LRRN3: variants seen among roughly 807,000 people sequenced by gnomAD.
LRRN3 encodes the protein leucine-rich repeat neuronal protein 3.
A neutral mutation model predicts 40.1 loss-of-function variants in LRRN3; 15 were observed. That is an observed-to-expected ratio of 0.37 (90% CI 0.25 to 0.58). The LOEUF is 0.58. Ranked by LOEUF, LRRN3 falls within the 20% of genes least tolerant of loss-of-function variation. The pLI is 0.72. For missense variants in LRRN3, 746 were observed against 837.7 expected (o/e 0.89, Z 1.35); for synonymous variants, 308 against 297.2 (o/e 1.04, Z -0.37).
rs557500952 is a variant in LRRN3 at position 111,093,125 on chromosome 7, G to A, written c.-441+1621G>A. Among the ~76,000 whole-genome samples, 13 of 152,218 alleles carry A rather than the reference G, an allele frequency of 8.5e-5. No individual in the cohort carries two copies. In the South Asian group the frequency reaches 2.7e-3, roughly 32 times the overall value. On this transcript the variant is annotated intron_variant, in intron 1 of 2. Coordinates refer to ENST00000308478, the MANE Select transcript of LRRN3 (RefSeq NM_001099658.2). ...GACCTTTGTAAATGATGACAATAAA[G>A]CAGCTCTGACAATATGCCAGTGGCT... is the stretch of plus-strand genomic sequence containing the variant.
chr7:111,105,255 G>A (rs923546819), intron 2 of LRRN3, among the ~76,000 whole-genome samples: 6 of 151,796 alleles, frequency 4.0e-5, no homozygotes, highest in Non-Finnish European at 8.8e-5. Context: ...CAAAACAGAT[G>A]TCAAATAACC....
chr7:111,102,122 T>C (rs1188974093), intron 2 of LRRN3, among the ~76,000 whole-genome samples: 1 of 151,366 alleles, frequency 6.6e-6, no homozygotes, highest in African/African-American at 2.4e-5. Flanking sequence ...AAAATCCCTA[T>C]ATTGGGATAG....
In LRRN3 at chr7:111,123,868, C is replaced by T. The variant is rs1439943888; in HGVS notation, c.1096C>T (p.His366Tyr). 5 of 1,614,006 alleles carry T rather than the reference C, an allele frequency of 3.1e-6. No individual in the cohort carries two copies. The highest frequency in any genetic ancestry group is 4.2e-6 in the Non-Finnish European group (5 of 1,180,000). Reference protein sequence around the residue: ...SLPNLKEISIHSNPIRCDCVI... With the variant: ...SLPNLKEISIYSNPIRCDCVI... Reference sequence around the variant, plus strand: ...GCCAAACCTCAAGGAAATCAGCATACACAGTAACCCCATCAGGTGTGACTG... The same window carrying T: ...GCCAAACCTCAAGGAAATCAGCATATACAGTAACCCCATCAGGTGTGACTG... The change falls in exon 3 of 3, where the codon CAC becomes TAC. Residue 366 changes from histidine to tyrosine, a missense_variant. Transcript: ENST00000308478. The surrounding 1 kb of genome is among the most constrained non-coding windows in gnomAD (Gnocchi z 6.4).
At chr7:111,098,351 C>T (rs1255375289) in intron 1 of LRRN3, among the ~76,000 whole-genome samples, 1 of 151,782 alleles carries the variant, frequency 6.6e-6, no homozygotes, top group African/African-American at 2.4e-5. Context: ...TTTTCCAAAC[C>T]ATTTCCTCAA....
At chr7:111,104,018 T>C (rs1193771936) in intron 2 of LRRN3, among the ~76,000 whole-genome samples, 1 of 151,678 alleles carries the variant, frequency 6.6e-6, no homozygotes, top group Non-Finnish European at 1.5e-5. Context: ...TGAAAAGTGG[T>C]ACTCCTGTAA....
intron 2 of LRRN3, among the ~76,000 whole-genome samples, chr7:111,115,581 A>G (rs1245558558): frequency 6.6e-6 from 1 of 152,080 alleles, no homozygotes; most frequent in Non-Finnish European, 1.5e-5. Flanking sequence ...TCTAAATTAT[A>G]GCTGTACTAT....
intron 1 of LRRN3, among the ~76,000 whole-genome samples, chr7:111,091,838 G>A (rs1327316058): frequency 6.6e-6 from 1 of 151,994 alleles, no homozygotes; most frequent in East Asian, 1.9e-4. Flanking sequence ...GAGAGGAGGA[G>A]AGGGAGAGAG....
intron 2 of LRRN3, among the ~76,000 whole-genome samples, chr7:111,118,728 A>C (rs1049042941): frequency 2.0e-5 from 3 of 152,146 alleles, no homozygotes; most frequent in Admixed American, 1.3e-4. Context: ...TATTAATGAA[A>C]TATCATAATC....
intron 1 of LRRN3, among the ~76,000 whole-genome samples, chr7:111,092,740 T>C (rs138721804): frequency 4.4e-4 from 67 of 152,286 alleles, no homozygotes; most frequent in Middle Eastern, 3.4e-3. Flanking sequence ...CTACTTAGAA[T>C]ATGCTTTCAA....
chr7:111,120,192 G>T (rs1413306680), intron 2 of LRRN3, among the ~76,000 whole-genome samples: 1 of 152,116 alleles, frequency 6.6e-6, no homozygotes, highest in Non-Finnish European at 1.5e-5. Context: ...CTAGGTCTTT[G>T]TGTTACTGAT....
chr7:111,091,909 A>G (rs1422691418), intron 1 of LRRN3, among the ~76,000 whole-genome samples: 1 of 152,066 alleles, frequency 6.6e-6, no homozygotes, highest in Non-Finnish European at 1.5e-5. Flanking sequence ...GTCACGGGTG[A>G]TGGGGTGCAA....
intron 2 of LRRN3, among the ~76,000 whole-genome samples, chr7:111,117,164 T>C (rs1289344297): frequency 7.2e-5 from 11 of 152,216 alleles, no homozygotes; most frequent in Admixed American, 7.2e-4. Flanking sequence ...GACTAGAGTA[T>C]TGAATATAAA....
At chr7:111,096,605 C>T (rs1231385868) in intron 1 of LRRN3, among the ~76,000 whole-genome samples, 1 of 151,182 alleles carries the variant, frequency 6.6e-6, no homozygotes, top group Non-Finnish European at 1.5e-5. Flanking sequence ...GTTTGTCTGA[C>T]AGCATTAGCA....
chr7:111,113,523 T>C (rs1432097230), intron 2 of LRRN3, among the ~76,000 whole-genome samples: 1 of 152,180 alleles, frequency 6.6e-6, no homozygotes, highest in African/African-American at 2.4e-5. Flanking sequence ...TCACTTCATT[T>C]ATTTTTTTCT....
chr7:111,106,294 T>C (rs1798539879), intron 2 of LRRN3, among the ~76,000 whole-genome samples: 1 of 151,942 alleles, frequency 6.6e-6, no homozygotes, highest in South Asian at 2.1e-4. Context: ...TTGTTCTCCT[T>C]ATTTAATGGC....
intron 2 of LRRN3, among the ~76,000 whole-genome samples, chr7:111,111,178 T>C (rs1234750325): frequency 2.0e-5 from 3 of 151,986 alleles, no homozygotes; most frequent in Non-Finnish European, 4.4e-5. Context: ...TAACCCTGTT[T>C]TGAAAGAACT....
intron 2 of LRRN3, among the ~76,000 whole-genome samples, chr7:111,100,395 A>T (rs999099449): frequency 6.0e-5 from 9 of 148,782 alleles, no homozygotes; most frequent in African/African-American, 2.2e-4. Flanking sequence ...ATATATATAT[A>T]ATAATATGCT....
Position 111,124,802 on chromosome 7 carries a change from ATCCTCC to A in LRRN3, c.2033_2038del (p.Pro678_Pro679del). ...CCAACCTTTGCATTAGGTGAGCTTT[ATCCTCC>A]TCTGATAAATCTCTGGGAAGCAGGA... On this transcript the variant is annotated inframe_deletion, in exon 3 of 3. Transcript: ENST00000308478. The A allele has an allele frequency of 6.2e-7, 1 of 1,613,552 alleles. No individual in the cohort carries two copies. The highest frequency in any genetic ancestry group is 8.5e-7 in the Non-Finnish European group (1 of 1,179,896).
At chr7:111,100,424 AAATAT>A (rs1224883836) in intron 2 of LRRN3, among the ~76,000 whole-genome samples, 2 of 148,108 alleles carry the variant, frequency 1.4e-5, no homozygotes, top group Admixed American at 6.8e-5. Flanking sequence ...ATATATAATA[AAATAT>A]ATGTAATGAA....
Sources: allele counts gnomAD v4.1 joint callset (sites outside exome capture counted in the v4.1 genomes callset), GRCh38; gene constraint gnomAD v4.1.1; non-coding constraint Gnocchi (gnomAD v3.1); transcripts MANE v1.5; gene names NCBI Gene and HGNC (gene_info 2026-07-23, HGNC 2026-07-21).